ERBB4: variants seen among roughly 807,000 people sequenced by gnomAD.
ERBB4 encodes the protein erb-b2 receptor tyrosine kinase 4.
ERBB4 carries 42 observed loss-of-function variants against 158.0 expected under a neutral mutation model. The ratio of observed to expected loss-of-function variants is 0.27; its 90% CI spans 0.21 to 0.34. ERBB4 has a LOEUF of 0.34. ERBB4 is among the 10% of genes least tolerant of loss of function. The pLI, the probability that ERBB4 is intolerant of heterozygous loss-of-function variation, is 1.00. For synonymous variants in ERBB4, 583 were observed against 558.7 expected, an observed-to-expected ratio of 1.04 and a Z score of -0.61; for missense variants, 1,333 against 1,624.1, an observed-to-expected ratio of 0.82 and a Z score of 3.08.
chr2:211,506,073 G>A (rs2065741322), intron 20 of ERBB4, among the ~76,000 whole-genome samples: 1 of 151,842 alleles, frequency 6.6e-6, no homozygotes, highest in African/African-American at 2.4e-5. Context: ...CAGACTTAAA[G>A]TAAAGGGGTA....
At chr2:211,744,100 T>A (rs1451659896) in intron 5 of ERBB4, among the ~76,000 whole-genome samples, 1 of 152,204 alleles carries the variant, frequency 6.6e-6, no homozygotes, top group Non-Finnish European at 1.5e-5. Context: ...TTGTTTTAAA[T>A]AATTTATCTA....
intron 3 of ERBB4, among the ~76,000 whole-genome samples, chr2:211,922,923 G>A (rs930945945): frequency 6.6e-6 from 1 of 152,040 alleles, no homozygotes; most frequent in Non-Finnish European, 1.5e-5. Flanking sequence ...AGTATATTCT[G>A]GGAATGAAAA....
chr2:211,751,684 C>T (rs139168125), intron 4 of ERBB4, among the ~76,000 whole-genome samples: 35 of 152,284 alleles, frequency 2.3e-4, no homozygotes, highest in Non-Finnish European at 4.7e-4. Context: ...AATAACATCT[C>T]GTCAGATGCT....
chr2:212,482,314 T>C (rs947809995), intron 1 of ERBB4, among the ~76,000 whole-genome samples: 10 of 152,186 alleles, frequency 6.6e-5, no homozygotes, highest in African/African-American at 2.4e-4. Context: ...TCTTAGGAAA[T>C]AGAATACTTC....
At chr2:211,772,850 T>TATATACACACAC (rs1553629924) in intron 4 of ERBB4, among the ~76,000 whole-genome samples, 2 of 67,508 alleles carry the variant, frequency 3.0e-5, no homozygotes, top group African/African-American at 1.2e-4. Context: ...TATATATATA[T>TATATACACACAC]ATATATATAT....
At chr2:212,251,718 A>G (rs1297504269) in intron 1 of ERBB4, among the ~76,000 whole-genome samples, 3 of 152,050 alleles carry the variant, frequency 2.0e-5, no homozygotes, top group African/African-American at 4.8e-5. Flanking sequence ...TTAATACTTC[A>G]GAAGAAAAGC....
chr2:212,458,648 C>T (rs919688873), intron 1 of ERBB4, among the ~76,000 whole-genome samples: 2 of 151,658 alleles, frequency 1.3e-5, no homozygotes, highest in African/African-American at 4.8e-5. Context: ...ATCATTCGAG[C>T]ACAGTGTAAG....
chr2:211,948,647 G>C (rs2080779136), intron 2 of ERBB4, among the ~76,000 whole-genome samples: 2 of 151,448 alleles, frequency 1.3e-5, no homozygotes, highest in African/African-American at 2.4e-5. Context: ...ATGATAAATA[G>C]TTGTCAGAAT....
chr2:211,378,762 T>G lies in ERBB4; in HGVS notation c.*4853A>C. 8.6e-6 allele frequency: 2 copies of G among 232,972 alleles called. No homozygotes were observed. The highest frequency in any genetic ancestry group is 1.7e-5 in the Non-Finnish European group (2 of 117,620). The allele number at this position is 232,972 out of a possible 1,614,324, so 14.4% of individuals were successfully genotyped here. A position where few individuals can be genotyped will look rare whatever the true frequency, so the allele number is the denominator to read the frequency against. The stretch of plus-strand genomic sequence containing the variant: ...GCAACCAGGCGATACCAATCTGCAT[T>G]TATATGTTTACATGGGGCAAGGCTG... On this transcript the variant is annotated 3_prime_UTR_variant, in exon 28 of 28. Transcript: ENST00000342788.
At chr2:211,978,627 G>A (rs1264538152) in intron 2 of ERBB4, among the ~76,000 whole-genome samples, 1 of 152,088 alleles carries the variant, frequency 6.6e-6, no homozygotes, top group Non-Finnish European at 1.5e-5. Context: ...TTCTGATCAA[G>A]AATATCTATT....
intron 2 of ERBB4, among the ~76,000 whole-genome samples, chr2:212,053,073 A>T (rs920459662): frequency 1.3e-5 from 2 of 152,170 alleles, no homozygotes; most frequent in Non-Finnish European, 2.9e-5. Context: ...AGCCCAGCAC[A>T]TTGAGAGGCC....
chr2:212,131,861 G>A (rs574179229), intron 1 of ERBB4, among the ~76,000 whole-genome samples: 2 of 152,280 alleles, frequency 1.3e-5, no homozygotes, highest in South Asian at 4.1e-4. Flanking sequence ...AACCAACTGA[G>A]GTGCTTGCTG....
At chr2:211,525,694 C>T (rs1167623146) in intron 20 of ERBB4, among the ~76,000 whole-genome samples, 11 of 152,068 alleles carry the variant, frequency 7.2e-5, no homozygotes. Flanking sequence ...TGGACTTTCC[C>T]TGGGCCAAAA....
intron 1 of ERBB4, among the ~76,000 whole-genome samples, chr2:212,293,786 T>C (rs2086293975): frequency 7.5e-6 from 1 of 134,102 alleles, no homozygotes; most frequent in African/African-American, 2.8e-5. Flanking sequence ...AGATGGAGGT[T>C]GCAGTGAGTC....
Position 212,268,233 on chromosome 2 carries a change from T to C in ERBB4, c.83-143330A>G, listed in dbSNP as rs192824735. Among the ~76,000 whole-genome samples the C allele has an allele frequency of 4.3e-4, 65 of 151,988 alleles. 1 individual carries two copies. The highest frequency in any genetic ancestry group is 9.2e-4 in the Admixed American group (14 of 15,220). On this transcript the variant is annotated intron_variant, in intron 1 of 27. Coordinates refer to ENST00000342788, the MANE Select transcript of ERBB4 (RefSeq NM_005235.3). ...TATGATAGCCTGAAATTTTCAAGAATAGAAATTGTTTTGATTATACTTTCA... is the reference window on the plus strand; with the variant it reads ...TATGATAGCCTGAAATTTTCAAGAACAGAAATTGTTTTGATTATACTTTCA...
intron 1 of ERBB4, among the ~76,000 whole-genome samples, chr2:212,286,594 CTTTTTTTTT>C (rs71054190): frequency 1.8e-5 from 1 of 55,540 alleles, no homozygotes; most frequent in Admixed American, 2.4e-4. Context: ...TAAGTGCTGA[CTTTTTTTTT>C]TTTTTTTTTT....
chr2:211,675,385 C>A (rs990644284), intron 13 of ERBB4, among the ~76,000 whole-genome samples: 23 of 151,984 alleles, frequency 1.5e-4, no homozygotes, highest in African/African-American at 5.1e-4. Context: ...CTTCCTTAAG[C>A]CTCATTTTTT....
At chr2:211,946,574 C>CTTTT (rs1210208782) in intron 3 of ERBB4, among the ~76,000 whole-genome samples, 3 of 67,452 alleles carry the variant, frequency 4.4e-5, no homozygotes, top group East Asian at 9.0e-4. Context: ...CTAATTAGCT[C>CTTTT]TCTTTTTTTT....
At chr2:211,919,404 A>T (rs1330809039) in intron 3 of ERBB4, among the ~76,000 whole-genome samples, 2 of 152,120 alleles carry the variant, frequency 1.3e-5, no homozygotes, top group Admixed American at 1.3e-4. Context: ...AGTTTATAGG[A>T]TATCTTACAG....
Sources: gnomAD v4.1 joint callset for allele counts (sites outside exome capture counted in the v4.1 genomes callset) on GRCh38, gnomAD v4.1.1 for gene constraint, MANE v1.5 for transcripts, NCBI Gene and HGNC (gene_info 2026-07-23, HGNC 2026-07-21) for gene names.